The following STAM2 variants were observed in gnomAD, a reference collection of about 807,000 sequenced individuals.
STAM2 encodes signal transducing adaptor molecule 2.
In STAM2, 51 loss-of-function variants were observed where a neutral mutation model predicts 65.6. The ratio of observed to expected loss-of-function variants is 0.78; its 90% CI spans 0.62 to 0.98. The LOEUF is 0.98. Ranked by LOEUF, STAM2 falls within the 50% of genes least tolerant of loss-of-function variation. The pLI is 0.00. For synonymous variants in STAM2, 198 were observed against 208.4 expected (o/e 0.95, Z 0.43); for missense variants, 584 against 617.8 (o/e 0.95, Z 0.58).
chr2:152,145,405 G>GT (rs35575416), intron 5 of STAM2, among the ~76,000 whole-genome samples: 8,081 of 152,178 alleles, frequency 0.053, 250 homozygotes, highest in Non-Finnish European at 0.07. Context: ...TTAAATAATT[G>GT]TTTTCAAATA....
intron 7 of STAM2, among the ~76,000 whole-genome samples, chr2:152,136,346 C>G (rs772409626): frequency 4.0e-5 from 6 of 151,056 alleles, no homozygotes; most frequent in African/African-American, 1.5e-4. Context: ...GGGAGGCTGA[C>G]GCAGGAGAAT....
intron 1 of STAM2, among the ~76,000 whole-genome samples, chr2:152,169,346 G>A (rs1316996935): frequency 2.0e-5 from 3 of 152,066 alleles, no homozygotes; most frequent in Non-Finnish European, 2.9e-5. Flanking sequence ...ATGCAATCAT[G>A]GCTCACTGCA....
chr2:152,123,782 G>T lies in STAM2; in HGVS notation c.1333C>A (p.Gln445Lys). 1 of 1,613,746 alleles carries T rather than the reference G, an allele frequency of 6.2e-7. No homozygotes were observed. The highest frequency in any genetic ancestry group is 1.1e-5 in the South Asian group (1 of 90,910). ...AAAACTTACCTTAAATATGAAGTTT[G>T]AGCAGGCTGTGCTGTCACTGAGGAA... ...VNSSVTAQPA[Q>K]TSYLSTGQDT... The change falls in exon 13 of 14, where the codon CAA (glutamine) becomes AAA (lysine). Residue 445 changes from glutamine to lysine, a missense_variant. Coordinates refer to ENST00000263904, the MANE Select transcript of STAM2 (RefSeq NM_005843.6).
chr2:152,117,584 A>G lies in STAM2; in HGVS notation c.*2990T>C, dbSNP rs1422929906. 1 of 152,216 alleles carries G rather than the reference A, an allele frequency of 6.6e-6. No homozygotes were observed. Among genetic ancestry groups the G allele is most frequent in the African/African-American group, 2.4e-5 (1 of 41,444 alleles). 9.4% of individuals were successfully genotyped at this position (152,216 alleles called of 1,614,324 possible). A position where few individuals can be genotyped will look rare whatever the true frequency, so the allele number is the denominator to read the frequency against. ...GCTAAAACTGATGATGAAAGAAGAA[A>G]AAGTACCTTCCGATAGAAATAAAGC... On this transcript the variant is annotated 3_prime_UTR_variant, in exon 14 of 14. Coordinates refer to ENST00000263904, the MANE Select transcript of STAM2 (RefSeq NM_005843.6).
chr2:152,147,353 A>C, intron 4 of STAM2, 45 bp from the exon 5 acceptor site: 1 of 1,476,066 alleles, frequency 6.8e-7, no homozygotes, highest in Non-Finnish European at 9.0e-7. Flanking sequence ...TCTACGGTTA[A>C]AATAAGTACT....
At chr2:152,139,236 T>A (rs1260085551) in intron 7 of STAM2, among the ~76,000 whole-genome samples, 2 of 152,116 alleles carry the variant, frequency 1.3e-5, no homozygotes, top group African/African-American at 4.8e-5. Flanking sequence ...AAAAAAAGAA[T>A]AAATCACAAC....
intron 8 of STAM2, among the ~76,000 whole-genome samples, chr2:152,135,153 T>C (rs1231391258): frequency 2.0e-5 from 3 of 152,240 alleles, no homozygotes; most frequent in East Asian, 1.9e-4. Context: ...GCTTTGCCTC[T>C]GTGGTTCACT....
Position 152,118,637 on chromosome 2 carries a change from A to AG in STAM2, c.*1936dup, listed in dbSNP as rs905215666. 6.6e-6 allele frequency: 1 copy of AG among 151,806 alleles called. No homozygotes were observed. The highest frequency in any genetic ancestry group is 2.4e-5 in the African/African-American group (1 of 41,408). 9.4% of individuals were successfully genotyped at this position (151,806 alleles called of 1,614,324 possible). ...ATAAGTTTATTAAATAGAGTTTGGG[A>AG]GAAAAAAAGTAAGAAATTCCATATA... On this transcript the variant is annotated 3_prime_UTR_variant, in exon 14 of 14. Coordinates refer to ENST00000263904, the MANE Select transcript of STAM2 (RefSeq NM_005843.6).
In STAM2 at chr2:152,123,916, T is replaced by A; in HGVS notation, c.1199A>T (p.His400Leu). ...VPMQTYPVQSHGGNYMGQSIH... is the reference protein window; with the variant it reads ...VPMQTYPVQSLGGNYMGQSIH... Reference sequence around the variant, plus strand: ...GCTCTGACCCATATAGTTTCCACCATGTGATTGAACTGGATATGTCTATTA... The same window carrying A: ...GCTCTGACCCATATAGTTTCCACCAAGTGATTGAACTGGATATGTCTATTA... The change falls in exon 13 of 14, where the codon CAT becomes CTT. Residue 400 changes from histidine (H) to leucine (L), a missense_variant. Coordinates refer to ENST00000263904, the MANE Select transcript of STAM2 (RefSeq NM_005843.6). The A allele has an allele frequency of 1.2e-6, 2 of 1,614,124 alleles. No homozygotes were observed. Among genetic ancestry groups the A allele is most frequent in the Non-Finnish European group, 8.5e-7 (1 of 1,180,014 alleles).
chr2:152,173,355 T>C lies in STAM2; in HGVS notation c.40+2248A>G, dbSNP rs568052817. Among the ~76,000 whole-genome samples the C allele has an allele frequency of 3.4e-5, 5 of 148,786 alleles. No homozygotes were observed. The East Asian group carries it at 9.8e-4, about 29-fold the overall frequency. On this transcript the variant is annotated intron_variant, in intron 1 of 13. Coordinates refer to ENST00000263904, the MANE Select transcript of STAM2 (RefSeq NM_005843.6). The stretch of plus-strand genomic sequence containing the variant: ...GTATGCGTGTGTGTCTGTGGGCGTA[T>C]ATACACACATATATATACATATATA...
At chr2:152,142,008 A>C (rs1299733838) in intron 7 of STAM2, among the ~76,000 whole-genome samples, 7 of 152,198 alleles carry the variant, frequency 4.6e-5, no homozygotes, top group African/African-American at 1.7e-4. Context: ...CAATGAATAG[A>C]GTCATTTTCT....
intron 1 of STAM2, among the ~76,000 whole-genome samples, chr2:152,168,447 C>A (rs912430602): frequency 2.0e-5 from 3 of 152,088 alleles, no homozygotes; most frequent in Non-Finnish European, 4.4e-5. Context: ...CATGAGCCAC[C>A]GCGCCCAGCC....
chr2:152,132,009 C>G (rs895198444), intron 11 of STAM2, 105 bp downstream of exon 11: 1 of 678,686 alleles, frequency 1.5e-6, no homozygotes, highest in Non-Finnish European at 2.4e-6. Flanking sequence ...AAACAATTTC[C>G]ATGAATTGTA....
chr2:152,153,880 T>TTGCA (rs759795069), intron 1 of STAM2, among the ~76,000 whole-genome samples: 1 of 86,350 alleles, frequency 1.2e-5, no homozygotes, highest in Non-Finnish European at 2.6e-5. Context: ...CTTCCAGACA[T>TTGCA]TACATACACA....
chr2:152,169,388 C>T (rs931507125), intron 1 of STAM2, among the ~76,000 whole-genome samples: 11 of 152,072 alleles, frequency 7.2e-5, no homozygotes, highest in Admixed American at 4.6e-4. Context: ...GCCATCCTCC[C>T]ACCTCCATCT....
intron 11 of STAM2, among the ~76,000 whole-genome samples, chr2:152,130,832 AC>A (rs1689046018): frequency 6.6e-6 from 1 of 151,696 alleles, no homozygotes; most frequent in South Asian, 2.1e-4. Flanking sequence ...CCACATTTCT[AC>A]TAAAAATACA....
chr2:152,143,942 T>C lies in STAM2; in HGVS notation c.589A>G (p.Ile197Val). 6.2e-7 allele frequency: 1 copy of C among 1,613,870 alleles called. No individual in the cohort carries two copies. The highest frequency in any genetic ancestry group is 8.5e-7 in the Non-Finnish European group (1 of 1,179,882). Residue 197 changes from isoleucine (I) to valine (V), a missense_variant, in exon 7 of 14, where the codon ATT (isoleucine) becomes GTT (valine). Physicochemically the swap from Ile to Val is conservative, Grantham distance 29. Transcript: ENST00000263904. ...CGTGCAACCTTATTATTTAACTGAA[T>C]TTCTGAAGATGGATATAAGGATTTT... ...ETKSLYPSSE[I>V]QLNNKVARKV...
chr2:152,158,911 C>T (rs1051906446), intron 1 of STAM2, among the ~76,000 whole-genome samples: 6 of 151,536 alleles, frequency 4.0e-5, no homozygotes, highest in African/African-American at 1.2e-4. Context: ...AGTCCCCATC[C>T]CCCAATACTG....
intron 13 of STAM2, among the ~76,000 whole-genome samples, chr2:152,122,721 G>T (rs558700685): frequency 1.3e-5 from 2 of 152,012 alleles, no homozygotes; most frequent in African/African-American, 4.8e-5. Flanking sequence ...AAAATGAATA[G>T]AAAGAAAGAT....
Sources: allele counts gnomAD v4.1 joint callset (sites outside exome capture counted in the v4.1 genomes callset), GRCh38; gene constraint gnomAD v4.1.1; transcripts MANE v1.5; gene names NCBI Gene and HGNC (gene_info 2026-07-23, HGNC 2026-07-21).